The following OR51B5 variants were observed in gnomAD, a reference collection of about 807,000 sequenced individuals.
The protein encoded by OR51B5 is olfactory receptor family 51 subfamily B member 5.
For missense variants in OR51B5, 456 were observed against 374.6 expected (o/e 1.22, Z -1.79); for synonymous variants, 186 against 144.8 (o/e 1.28, Z -2.04).
intron 1 of OR51B5, among the ~76,000 whole-genome samples, chr11:5,460,794 A>T (rs759736549): frequency 6.6e-6 from 1 of 152,180 alleles, no homozygotes; most frequent in Non-Finnish European, 1.5e-5. Flanking sequence ...TAAATGTGAT[A>T]TAAGTTTGGT....
At chr11:5,452,848 G>T (rs1850877783) in intron 1 of OR51B5, among the ~76,000 whole-genome samples, 2 of 152,150 alleles carry the variant, frequency 1.3e-5, no homozygotes, top group Admixed American at 6.5e-5. Context: ...TTGTGCCTTT[G>T]CACAAAAATA....
intron 1 of OR51B5, chr11:5,362,837 C>T (rs911294102): frequency 1.0e-4 from 21 of 205,464 alleles, no homozygotes; most frequent in African/African-American, 4.2e-4. Flanking sequence ...TCTGGGTTGG[C>T]ATCTACATGT....
intron 1 of OR51B5, among the ~76,000 whole-genome samples, chr11:5,365,143 TTTC>T (rs1849345536): frequency 6.6e-6 from 1 of 152,204 alleles, no homozygotes; most frequent in Non-Finnish European, 1.5e-5. Context: ...CTAAATAACT[TTTC>T]TTCTTTGTCT....
intron 1 of OR51B5, among the ~76,000 whole-genome samples, chr11:5,436,112 C>T (rs555144738): frequency 1.5e-4 from 23 of 152,010 alleles, no homozygotes; most frequent in Non-Finnish European, 2.4e-4. Context: ...CTGCATCACA[C>T]GCAAAAAGTA....
chr11:5,440,255 C>T (rs1850657756), intron 1 of OR51B5, among the ~76,000 whole-genome samples: 1 of 152,088 alleles, frequency 6.6e-6, no homozygotes, highest in Admixed American at 6.5e-5. Flanking sequence ...CTTCATTATT[C>T]CCGTATATGT....
chr11:5,466,414 G>A (rs1176009911), intron 1 of OR51B5, among the ~76,000 whole-genome samples: 1 of 152,018 alleles, frequency 6.6e-6, no homozygotes, highest in African/African-American at 2.4e-5. Flanking sequence ...ATTTTACTGT[G>A]GAAATGAAAG....
At chr11:5,476,377 G>A (rs1161632302) in intron 1 of OR51B5, among the ~76,000 whole-genome samples, 4 of 152,150 alleles carry the variant, frequency 2.6e-5, no homozygotes, top group Non-Finnish European at 5.9e-5. Context: ...TTTGAACCTA[G>A]GTACTCTTAG....
Position 5,374,022 on chromosome 11 carries a change from G to C in OR51B5, n.85-27112C>G, listed in dbSNP as rs183476701. 1.3e-3 allele frequency among the ~76,000 whole-genome samples: 204 copies of C among 152,310 alleles called. 1 individual carries two copies. Among genetic ancestry groups the C allele is most frequent in the African/African-American group, 4.6e-3 (193 of 41,568 alleles). ...CTGGAGATCTGAGAACGGGCAGACTGCCTCCTCAAGTGGGTCCCTGACCCC... is the reference window on the plus strand; with the variant it reads ...CTGGAGATCTGAGAACGGGCAGACTCCCTCCTCAAGTGGGTCCCTGACCCC... On this transcript the variant is annotated intron_variant and non_coding_transcript_variant, in intron 1 of 4. Coordinates refer to the OR51B5 transcript ENST00000415970.
intron 1 of OR51B5, chr11:5,393,242 T>A (rs888613013): frequency 1.4e-4 from 22 of 152,220 alleles, no homozygotes; most frequent in Non-Finnish European, 2.5e-4. Context: ...TTATAATTTG[T>A]GTTATTGTTC....
intron 1 of OR51B5, among the ~76,000 whole-genome samples, chr11:5,412,463 G>C (rs1477653491): frequency 1.3e-5 from 2 of 152,184 alleles, no homozygotes; most frequent in Non-Finnish European, 2.9e-5. Context: ...GCAGCGTACT[G>C]TGCGCCAGCC....
At chr11:5,378,157 C>T (rs557325951) in intron 1 of OR51B5, among the ~76,000 whole-genome samples, 1,743 of 151,422 alleles carry the variant, frequency 0.012, 13 homozygotes, top group Middle Eastern at 0.017. Flanking sequence ...AATAACGACG[C>T]ATATCTACAA....
At chr11:5,497,426 G>T (rs1208830019) in intron 1 of OR51B5, among the ~76,000 whole-genome samples, 1 of 152,018 alleles carries the variant, frequency 6.6e-6, no homozygotes, top group Non-Finnish European at 1.5e-5. Flanking sequence ...TAAATAAATT[G>T]TCAAACAATA....
intron 1 of OR51B5, among the ~76,000 whole-genome samples, chr11:5,419,727 G>C (rs1218875518): frequency 1.3e-5 from 2 of 151,906 alleles, no homozygotes; most frequent in East Asian, 3.9e-4. Context: ...TACTTTTCCT[G>C]TCTCTTTTTC....
At chr11:5,351,935 G>T in intron 1 of OR51B5, 1 of 1,613,086 alleles carries the variant, frequency 6.2e-7, no homozygotes, top group African/African-American at 1.3e-5. Context: ...ATGAAGATTG[G>T]TGTGCGGGTA....
chr11:5,422,929 C>A, intron 1 of OR51B5: 1 of 1,614,036 alleles, frequency 6.2e-7, no homozygotes, highest in Non-Finnish European at 8.5e-7. Context: ...TCAATAACTG[C>A]CTGTCCCACA....
At chr11:5,360,887 A>C (rs1223101549) in intron 1 of OR51B5, among the ~76,000 whole-genome samples, 1 of 151,650 alleles carries the variant, frequency 6.6e-6, no homozygotes, top group East Asian at 1.9e-4. Flanking sequence ...AAACTATCGC[A>C]AGGACAAAAA....
chr11:5,449,796 C>A (rs75576288), intron 1 of OR51B5, among the ~76,000 whole-genome samples: 2,721 of 152,146 alleles, frequency 0.018, 68 homozygotes, highest in African/African-American at 0.057. Flanking sequence ...TTTTGCTCTT[C>A]CCTTATGAAT....
At chr11:5,494,229 A>T (rs1438426101) in intron 1 of OR51B5, among the ~76,000 whole-genome samples, 4 of 152,244 alleles carry the variant, frequency 2.6e-5, no homozygotes, top group African/African-American at 4.8e-5. Context: ...ACATTATTCC[A>T]GGTAACAATT....
At chr11:5,469,686 A>G (rs1157093434) in intron 1 of OR51B5, among the ~76,000 whole-genome samples, 1 of 151,828 alleles carries the variant, frequency 6.6e-6, no homozygotes, top group African/African-American at 2.4e-5. Context: ...ATTATCCTTT[A>G]TTTTTCTTGT....
Sources: allele counts gnomAD v4.1 joint callset (sites outside exome capture counted in the v4.1 genomes callset), GRCh38; gene constraint gnomAD v4.1.1; transcripts MANE v1.5; gene names NCBI Gene and HGNC (gene_info 2026-07-23, HGNC 2026-07-21).